CFAP68: variants seen among roughly 807,000 people sequenced by gnomAD.
CFAP68 encodes the protein cilia and flagella associated protein 68, also known as cilia- and flagella-associated protein 68.
the CFAP68 span, chr11:111,880,640 T>C: frequency 2.7e-6 from 1 of 375,504 alleles, no homozygotes; most frequent in Non-Finnish European, 5.3e-6. Context: ...TTGTTTAGTA[T>C]ATAATCAACA....
the CFAP68 span, chr11:111,880,967 A>G: frequency 8.3e-6 from 3 of 359,760 alleles, no homozygotes; most frequent in Non-Finnish European, 1.7e-5. Context: ...CCTGTGGAGA[A>G]AGGTTTGGAG....
At chr11:111,881,850 G>T in the CFAP68 span, among the ~76,000 whole-genome samples, 1 of 152,150 alleles carries the variant, frequency 6.6e-6, no homozygotes, top group East Asian at 1.9e-4. Flanking sequence ...GAACTCTAAT[G>T]TATGGTAAAA....
chr11:111,881,790 G>T, the CFAP68 span, among the ~76,000 whole-genome samples: 1 of 152,178 alleles, frequency 6.6e-6, no homozygotes, highest in Non-Finnish European at 1.5e-5. Flanking sequence ...AACAGATCCT[G>T]TCCTTAAGGG....
At chr11:111,882,813 A>G in the CFAP68 span, among the ~76,000 whole-genome samples, 12 of 152,206 alleles carry the variant, frequency 7.9e-5, no homozygotes, top group Non-Finnish European at 1.8e-4. Context: ...TTTCAAAAGG[A>G]AGGGCAGTCC....
chr11:111,881,069 A>G, the CFAP68 span: 109 of 474,130 alleles, frequency 2.3e-4, 1 homozygote, highest in African/African-American at 1.9e-3. Context: ...AAATTTGGCA[A>G]TGGGAATGGA....
chr11:111,883,962 T>G, the CFAP68 span: 1 of 1,063,846 alleles, frequency 9.4e-7, no homozygotes, highest in Non-Finnish European at 1.4e-6. Context: ...ATAAGATACT[T>G]CACTTTTCCA....
At chr11:111,882,241 A>G in the CFAP68 span, 1 of 748,848 alleles carries the variant, frequency 1.3e-6, no homozygotes, top group Non-Finnish European at 2.1e-6. Flanking sequence ...CAGAACCATA[A>G]CATAGCCTGG....
At chr11:111,883,153 A>G in the CFAP68 span, 1 of 1,580,310 alleles carries the variant, frequency 6.3e-7, no homozygotes, top group South Asian at 1.1e-5. Context: ...ACTACTTTGA[A>G]ACAACATATG....
chr11:111,883,603 A>G, the CFAP68 span, among the ~76,000 whole-genome samples: 2 of 152,098 alleles, frequency 1.3e-5, no homozygotes, highest in Non-Finnish European at 2.9e-5. Context: ...AAAAAAAAAA[A>G]AGAAAAAAAA....
At chr11:111,884,257 TGAG>T in the CFAP68 span, 1 of 175,836 alleles carries the variant, frequency 5.7e-6, no homozygotes, top group Admixed American at 6.3e-5. Flanking sequence ...GTGGATCACG[TGAG>T]GTCAGGAGTT....
chr11:111,880,273 C>T, the CFAP68 span, among the ~76,000 whole-genome samples: 3 of 152,088 alleles, frequency 2.0e-5, no homozygotes, highest in African/African-American at 7.2e-5. Flanking sequence ...CAATGTTTAG[C>T]TCCCACTTAT....
chr11:111,884,070 G>T, the CFAP68 span: 1 of 481,344 alleles, frequency 2.1e-6, no homozygotes, highest in Non-Finnish European at 3.6e-6. Flanking sequence ...AAAAAACACA[G>T]TAAATATTCT....
At chr11:111,882,262 C>G in the CFAP68 span, 3 of 842,056 alleles carry the variant, frequency 3.6e-6, no homozygotes, top group Non-Finnish European at 5.6e-6. Context: ...ATCATTAGTA[C>G]GGTGTGCTTG....
the CFAP68 span, chr11:111,882,998 G>A: frequency 1.4e-6 from 1 of 718,760 alleles, no homozygotes; most frequent in Non-Finnish European, 2.4e-6. Flanking sequence ...GTGAAAGTTA[G>A]AAGGATATAG....
the CFAP68 span, chr11:111,879,635 CAAGAA>C: frequency 6.2e-7 from 1 of 1,603,588 alleles, no homozygotes; most frequent in East Asian, 2.2e-5. Context: ...TCTATTCGTT[CAAGAA>C]AGAGTATTGA....
chr11:111,882,693 G>T, the CFAP68 span: 1 of 1,155,680 alleles, frequency 8.7e-7, no homozygotes, highest in South Asian at 1.7e-5. Flanking sequence ...ATAACTTCTG[G>T]TGCAGTGATC....
the CFAP68 span, chr11:111,879,576 T>C: frequency 6.2e-7 from 1 of 1,614,180 alleles, no homozygotes; most frequent in South Asian, 1.1e-5. Context: ...TGCCTCCCAG[T>C]GTCTCTGCTG....
the CFAP68 span, chr11:111,882,690 C>G: frequency 8.5e-7 from 1 of 1,170,712 alleles, no homozygotes; most frequent in Middle Eastern, 2.3e-4. Flanking sequence ...GTAATAACTT[C>G]TGGTGCAGTG....
chr11:111,885,440 T>C, the CFAP68 span: 3 of 152,156 alleles, frequency 2.0e-5, no homozygotes, highest in Non-Finnish European at 2.9e-5. Context: ...TTAAACCTAT[T>C]GTAGTGTAGC....
Sources: gnomAD v4.1 joint callset for allele counts (sites outside exome capture counted in the v4.1 genomes callset) on GRCh38, gnomAD v4.1.1 for gene constraint, MANE v1.5 for transcripts, NCBI Gene and HGNC (gene_info 2026-07-23, HGNC 2026-07-21) for gene names.